The following SND1 variants were observed in gnomAD, a reference collection of about 807,000 sequenced individuals.
SND1 encodes the protein staphylococcal nuclease and tudor domain containing 1.
In SND1, 38 loss-of-function variants were observed where a neutral mutation model predicts 121.7. The observed-to-expected ratio is 0.31, with a 90% CI of 0.24 to 0.41. SND1 has a LOEUF of 0.41. Among genes scored for constraint, SND1 ranks in the 10% least tolerant of loss-of-function variants. The pLI, the probability that SND1 is intolerant of heterozygous loss-of-function variation, is 1.00. For missense variants in SND1, 868 were observed against 1,184.6 expected, an observed-to-expected ratio of 0.73 and a Z score of 3.92; for synonymous variants, 401 against 447.4, an observed-to-expected ratio of 0.90 and a Z score of 1.31.
intron 10 of SND1, among the ~76,000 whole-genome samples, chr7:127,791,605 C>T (rs1022584584): frequency 6.6e-6 from 1 of 152,192 alleles, no homozygotes; most frequent in Non-Finnish European, 1.5e-5. Flanking sequence ...ACTCTGTCCC[C>T]ATTAAACAGT....
At chr7:127,728,882 A>G (rs1056963657) in intron 10 of SND1, among the ~76,000 whole-genome samples, 3 of 152,074 alleles carry the variant, frequency 2.0e-5, no homozygotes, top group African/African-American at 7.2e-5. Flanking sequence ...GCTGGTATCT[A>G]ACTATCTCCG....
At chr7:127,683,250 C>CTCCCT (rs1795757963) in intron 1 of SND1, among the ~76,000 whole-genome samples, 1 of 152,128 alleles carries the variant, frequency 6.6e-6, no homozygotes, top group Non-Finnish European at 1.5e-5. Flanking sequence ...GAGTCTTGCT[C>CTCCCT]TGTCACCCTG....
intron 14 of SND1, among the ~76,000 whole-genome samples, chr7:127,908,305 A>C (rs1451276571): frequency 6.9e-6 from 1 of 145,132 alleles, no homozygotes; most frequent in African/African-American, 2.6e-5. Flanking sequence ...TACCAAAAAA[A>C]AAATAATAAT....
At chr7:127,683,221 T>G (rs1795757339) in intron 1 of SND1, among the ~76,000 whole-genome samples, 1 of 152,130 alleles carries the variant, frequency 6.6e-6, no homozygotes, top group Non-Finnish European at 1.5e-5. Flanking sequence ...TCTGTTTGTT[T>G]CTTTGTTTTT....
chr7:127,825,514 T>C (rs1397844759), intron 11 of SND1, among the ~76,000 whole-genome samples: 2 of 151,996 alleles, frequency 1.3e-5, no homozygotes, highest in African/African-American at 4.8e-5. Flanking sequence ...TTCAAGCAAT[T>C]CTTGTGCCTC....
chr7:127,893,358 G>A (rs1265395822), intron 13 of SND1, among the ~76,000 whole-genome samples: 3 of 152,038 alleles, frequency 2.0e-5, no homozygotes, highest in Non-Finnish European at 4.4e-5. Context: ...TTATACATGG[G>A]GGATATCATC....
At chr7:128,077,316 G>C (rs767427044) in intron 17 of SND1, among the ~76,000 whole-genome samples, 2 of 152,246 alleles carry the variant, frequency 1.3e-5, no homozygotes, top group African/African-American at 2.4e-5. Flanking sequence ...AGGAAATGCA[G>C]GGAAGAGAGA....
At chr7:128,001,669 C>T (rs955157468) in intron 16 of SND1, among the ~76,000 whole-genome samples, 21 of 152,192 alleles carry the variant, frequency 1.4e-4, no homozygotes, top group Non-Finnish European at 2.8e-4. Flanking sequence ...CAGTGGCTCA[C>T]GCCTGTAATC....
intron 10 of SND1, among the ~76,000 whole-genome samples, chr7:127,747,304 G>A (rs543992908): frequency 1.3e-5 from 2 of 152,326 alleles, no homozygotes; most frequent in Admixed American, 1.3e-4. Context: ...AGCACATGTG[G>A]CTGTGGAAAG....
intron 1 of SND1, among the ~76,000 whole-genome samples, chr7:127,684,320 T>A (rs2116299766): frequency 6.6e-6 from 1 of 152,292 alleles, no homozygotes; most frequent in South Asian, 2.1e-4. Context: ...GTGTGAAAAC[T>A]TGACCAAAAT....
chr7:127,778,690 A>G (rs867135308), intron 10 of SND1, among the ~76,000 whole-genome samples: 9 of 152,326 alleles, frequency 5.9e-5, no homozygotes, highest in Non-Finnish European at 1.0e-4. Context: ...TTGAATTCTT[A>G]GCTTATGTGA....
intron 15 of SND1, among the ~76,000 whole-genome samples, chr7:127,984,805 G>C (rs1029084460): frequency 6.6e-6 from 1 of 152,174 alleles, no homozygotes; most frequent in Non-Finnish European, 1.5e-5. Flanking sequence ...TAGGAGCCTA[G>C]GTAGGGTCAG....
At chr7:127,971,172 CT>C (rs1801978987) in intron 15 of SND1, among the ~76,000 whole-genome samples, 1 of 152,178 alleles carries the variant, frequency 6.6e-6, no homozygotes, top group African/African-American at 2.4e-5. Context: ...TTCGATGTCA[CT>C]TTTCCCTGTG....
intron 1 of SND1, among the ~76,000 whole-genome samples, chr7:127,667,215 G>T (rs1198661549): frequency 2.0e-5 from 3 of 152,102 alleles, no homozygotes; most frequent in Non-Finnish European, 2.9e-5. Flanking sequence ...GATTCACTCT[G>T]AGTAATACTG....
chr7:127,996,929 G>A (rs1802674463), intron 16 of SND1, among the ~76,000 whole-genome samples: 1 of 152,140 alleles, frequency 6.6e-6, no homozygotes, highest in Non-Finnish European at 1.5e-5. Context: ...TTAATTTCAA[G>A]CAGTTTATTC....
intron 16 of SND1, among the ~76,000 whole-genome samples, chr7:128,026,749 T>C (rs532528152): frequency 6.6e-6 from 1 of 152,210 alleles, no homozygotes; most frequent in Non-Finnish European, 1.5e-5. Flanking sequence ...CATTTAACTT[T>C]TGGCCAGGTC....
intron 16 of SND1, among the ~76,000 whole-genome samples, chr7:128,069,565 C>A (rs767429397): frequency 6.6e-6 from 1 of 152,182 alleles, no homozygotes; most frequent in African/African-American, 2.4e-5. Flanking sequence ...GAACAAGCTT[C>A]CTTCCCCATG....
Position 127,892,921 on chromosome 7 carries a change from C to T in SND1, c.1454+4909C>T, listed in dbSNP as rs1224003201. The stretch of plus-strand genomic sequence containing the variant: ...GGGAGTGTGAAACATTATTTCTGTT[C>T]TGCATGTTCCTGTTTGATTCCCATA... On this transcript the variant is annotated intron_variant, in intron 13 of 23. Transcript: ENST00000354725. Among the ~76,000 whole-genome samples the T allele has an allele frequency of 2.6e-5, 4 of 151,076 alleles. No individual in the cohort carries two copies. In the Admixed American group the frequency reaches 2.7e-4, roughly 10 times the overall value.
intron 10 of SND1, among the ~76,000 whole-genome samples, chr7:127,729,405 T>A (rs1360732618): frequency 6.6e-6 from 1 of 151,920 alleles, no homozygotes; most frequent in Non-Finnish European, 1.5e-5. Context: ...AGATACTGAT[T>A]GCAGAGCTAC....
Sources: allele counts gnomAD v4.1 joint callset (sites outside exome capture counted in the v4.1 genomes callset), GRCh38; gene constraint gnomAD v4.1.1; transcripts MANE v1.5; gene names NCBI Gene and HGNC (gene_info 2026-07-23, HGNC 2026-07-21).